Variants in LRP1B observed in about 807,000 individuals in gnomAD.
LRP1B encodes the protein LDL receptor related protein 1B.
In LRP1B, 217 loss-of-function variants were observed where a neutral mutation model predicts 556.6. The observed-to-expected ratio is 0.39, with a 90% CI of 0.35 to 0.44. The LOEUF (loss-of-function observed/expected upper bound fraction) is 0.44, where lower values mean the gene tolerates loss of function less well. Among genes scored for constraint, LRP1B ranks in the 20% least tolerant of loss-of-function variants. The pLI is 1.00. For synonymous variants in LRP1B, 2,047 were observed against 1,865.8 expected, an observed-to-expected ratio of 1.10 and a Z score of -2.50; for missense variants, 5,053 against 5,620.8, an observed-to-expected ratio of 0.90 and a Z score of 3.23.
chr2:141,644,381 C>A (rs1383209582), intron 2 of LRP1B, among the ~76,000 whole-genome samples: 1 of 151,988 alleles, frequency 6.6e-6, no homozygotes, highest in African/African-American at 2.4e-5. Context: ...TAAGAAGTGC[C>A]TTTTGCCTTC....
Position 140,770,820 on chromosome 2 carries a change from A to G in LRP1B, c.5626+61T>C. On this transcript the variant is annotated intron_variant, in intron 34 of 90. Coordinates refer to ENST00000389484, the MANE Select transcript of LRP1B (RefSeq NM_018557.3). ...CTGACTTTGGTTGCCTAACATCTGC[A>G]TGGTATGTAATGATTAGTGAAGTAA... 3.6e-6 allele frequency: 5 copies of G among 1,408,436 alleles called. No homozygotes were observed. In the South Asian group the frequency reaches 4.9e-5, roughly 14 times the overall value. The allele number at this position is 1,408,436 out of a possible 1,614,324, so 87.2% of individuals were successfully genotyped here. A position where few individuals can be genotyped will look rare whatever the true frequency, so the allele number is the denominator to read the frequency against.
intron 3 of LRP1B, among the ~76,000 whole-genome samples, chr2:141,297,027 G>A (rs1472794954): frequency 6.6e-6 from 1 of 152,146 alleles, no homozygotes; most frequent in African/African-American, 2.4e-5. Context: ...TTGCGGCAAA[G>A]GATATGATTT....
chr2:140,758,291 AAAGAAAC>A (rs1320490350), intron 35 of LRP1B, among the ~76,000 whole-genome samples: 2 of 152,098 alleles, frequency 1.3e-5, no homozygotes, highest in Non-Finnish European at 2.9e-5. Flanking sequence ...AATGTAAGTA[AAAGAAAC>A]AAGAAACAAT....
At chr2:140,954,381 T>G (rs1310668467) in intron 18 of LRP1B, among the ~76,000 whole-genome samples, 1 of 152,102 alleles carries the variant, frequency 6.6e-6, no homozygotes, top group Non-Finnish European at 1.5e-5. Context: ...GATCTAATCT[T>G]TAAAAATAAC....
intron 1 of LRP1B, among the ~76,000 whole-genome samples, chr2:142,069,000 G>C (rs1705213328): frequency 6.6e-6 from 1 of 151,070 alleles, no homozygotes; most frequent in South Asian, 2.1e-4. Context: ...ATCTCTCTCT[G>C]TCTCTCTCTC....
chr2:140,965,575 C>A (rs1323451058), intron 18 of LRP1B, among the ~76,000 whole-genome samples: 1 of 151,724 alleles, frequency 6.6e-6, no homozygotes, highest in African/African-American at 2.4e-5. Flanking sequence ...TTTTATTAGA[C>A]TTTAAGTTCT....
chr2:140,238,021 A>T, intron 89 of LRP1B, 131 bp downstream of exon 89: 1 of 692,170 alleles, frequency 1.4e-6, no homozygotes, highest in Non-Finnish European at 2.3e-6. Flanking sequence ...AGGCTATATC[A>T]TTCAATACAT....
At chr2:141,355,516 G>A (rs565365789) in intron 3 of LRP1B, among the ~76,000 whole-genome samples, 17 of 151,958 alleles carry the variant, frequency 1.1e-4, no homozygotes, top group African/African-American at 3.9e-4. Flanking sequence ...TTCCACAGTG[G>A]CAAACAAAGA....
intron 35 of LRP1B, among the ~76,000 whole-genome samples, chr2:140,726,386 A>T (rs998522818): frequency 6.6e-6 from 1 of 152,188 alleles, no homozygotes; most frequent in African/African-American, 2.4e-5. Flanking sequence ...TAGGCACCAG[A>T]TCTCTTAGAA....
chr2:141,558,348 G>T (rs990744149), intron 2 of LRP1B, among the ~76,000 whole-genome samples: 3 of 151,706 alleles, frequency 2.0e-5, no homozygotes, highest in African/African-American at 7.3e-5. Context: ...TGAGAAAAAA[G>T]AGGTAGATAT....
In LRP1B at chr2:140,709,618, T is replaced by C. The variant is rs578233222; in HGVS notation, c.6023+6355A>G. On this transcript the variant is annotated intron_variant, in intron 37 of 90. Transcript: ENST00000389484. ...TACATTTTAAAAGAGCTCAAGTCTCTATTGTTTAAAAACAGGATTTGTGCC... is the reference window on the plus strand; with the variant it reads ...TACATTTTAAAAGAGCTCAAGTCTCCATTGTTTAAAAACAGGATTTGTGCC... Among the ~76,000 whole-genome samples the C allele has an allele frequency of 4.6e-5, 7 of 152,230 alleles. No individual in the cohort carries two copies. The East Asian group carries it at 1.4e-3, about 29-fold the overall frequency.
At chr2:140,409,544 TTAAA>T (rs1393791421) in intron 66 of LRP1B, among the ~76,000 whole-genome samples, 90 of 152,160 alleles carry the variant, frequency 5.9e-4, no homozygotes, top group Non-Finnish European at 7.5e-4. Context: ...AGATTCATAA[TTAAA>T]TATTGTTATA....
rs35647921 is a variant in LRP1B, at chr2:141,597,055, T to TACAC, written c.206-116526_206-116523dup. Among the ~76,000 whole-genome samples the TACAC allele has an allele frequency of 6.9e-3, 1,018 of 147,362 alleles. 4 individuals are homozygous for TACAC. Among genetic ancestry groups the TACAC allele is most frequent in the Non-Finnish European group, 0.011 (725 of 66,408 alleles). ...CACAAACACATAAGTTCTGACATTTTACACACACACACACACACACACACA... is the reference window on the plus strand; with the variant it reads ...CACAAACACATAAGTTCTGACATTTTACACACACACACACACACACACACACACA... On this transcript the variant is annotated intron_variant, in intron 2 of 90. Transcript: ENST00000389484.
chr2:142,129,148 G>A (rs1274595689), intron 1 of LRP1B, among the ~76,000 whole-genome samples: 1 of 152,190 alleles, frequency 6.6e-6, no homozygotes, highest in Non-Finnish European at 1.5e-5. Flanking sequence ...TCCTAAGAAA[G>A]GTTGAGAGCT....
chr2:141,136,349 A>G (rs1342525145), intron 7 of LRP1B, among the ~76,000 whole-genome samples: 1 of 151,872 alleles, frequency 6.6e-6, no homozygotes, highest in African/African-American at 2.4e-5. Context: ...CTTTCATAAT[A>G]TGAATTGCAA....
intron 6 of LRP1B, among the ~76,000 whole-genome samples, chr2:141,214,537 G>A (rs1682709919): frequency 6.6e-6 from 1 of 152,130 alleles, no homozygotes; most frequent in Non-Finnish European, 1.5e-5. Flanking sequence ...CTCAGCCTAA[G>A]TGGAATAAAG....
chr2:141,414,117 G>C (rs1690975675), intron 3 of LRP1B, among the ~76,000 whole-genome samples: 1 of 151,330 alleles, frequency 6.6e-6, no homozygotes, highest in South Asian at 2.1e-4. Flanking sequence ...GGTGCCTGTA[G>C]TCCCAGCTAC....
At chr2:142,079,723 T>C (rs568850896) in intron 1 of LRP1B, among the ~76,000 whole-genome samples, 2 of 152,260 alleles carry the variant, frequency 1.3e-5, no homozygotes, top group East Asian at 3.9e-4. Context: ...TTGCCCAGGC[T>C]GATCTCGAAG....
intron 15 of LRP1B, among the ~76,000 whole-genome samples, chr2:141,003,125 A>G (rs1250536202): frequency 6.6e-6 from 1 of 152,080 alleles, no homozygotes; most frequent in Non-Finnish European, 1.5e-5. Context: ...AACACATAAA[A>G]GGTCATAAAT....
Sources: gnomAD v4.1 joint callset for allele counts (sites outside exome capture counted in the v4.1 genomes callset) on GRCh38, gnomAD v4.1.1 for gene constraint, MANE v1.5 for transcripts, NCBI Gene and HGNC (gene_info 2026-07-23, HGNC 2026-07-21) for gene names.